Variants in PCDHA7 observed in about 807,000 individuals in gnomAD.
PCDHA7 encodes protocadherin alpha 7.
A neutral mutation model predicts 57.2 loss-of-function variants in PCDHA7; 37 were observed. The ratio of observed to expected loss-of-function variants is 0.65; its 90% CI spans 0.50 to 0.85. The LOEUF (loss-of-function observed/expected upper bound fraction) is 0.85, where lower values mean the gene tolerates loss of function less well. Ranked by LOEUF, PCDHA7 falls within the 40% of genes least tolerant of loss-of-function variation. The pLI, the probability that PCDHA7 is intolerant of heterozygous loss-of-function variation, is 0.00. For synonymous variants in PCDHA7, 553 were observed against 558.8 expected (o/e 0.99, Z 0.15); for missense variants, 1,188 against 1,241.8 (o/e 0.96, Z 0.65).
At chr5:140,957,269 T>TC (rs2095346885) in intron 1 of PCDHA7, among the ~76,000 whole-genome samples, 1 of 152,070 alleles carries the variant, frequency 6.6e-6, no homozygotes, top group African/African-American at 2.4e-5. Context: ...TAAGCACTAG[T>TC]CCCCCCTTAC....
At chr5:140,876,583 CT>C in intron 1 of PCDHA7, 1 of 1,614,194 alleles carries the variant, frequency 6.2e-7, no homozygotes, top group Non-Finnish European at 8.5e-7. Context: ...CGTCATTGCC[CT>C]GATTAGCGTG....
intron 1 of PCDHA7, chr5:140,849,602 T>G: frequency 6.3e-7 from 1 of 1,598,704 alleles, no homozygotes; most frequent in South Asian, 1.1e-5. Flanking sequence ...GGACAGTTAT[T>G]GCCCTGATTA....
intron 1 of PCDHA7, among the ~76,000 whole-genome samples, chr5:140,840,617 T>C (rs2150308160): frequency 2.0e-5 from 3 of 152,150 alleles, no homozygotes; most frequent in African/African-American, 7.2e-5. Context: ...AGGCTGAATT[T>C]AACAAGCTAT....
intron 1 of PCDHA7, among the ~76,000 whole-genome samples, chr5:140,973,282 C>T (rs1554235080): frequency 2.6e-5 from 4 of 152,148 alleles, no homozygotes; most frequent in African/African-American, 7.2e-5. Context: ...TCCCCCAGCA[C>T]TGATTTTTCT....
Position 140,836,234 on chromosome 5 carries a change from T to A in PCDHA7, c.1851T>A (p.Gly617=). The A allele has an allele frequency of 6.2e-7, 1 of 1,613,668 alleles. No individual in the cohort carries two copies. Among genetic ancestry groups the A allele is most frequent in the Non-Finnish European group, 8.5e-7 (1 of 1,179,776 alleles). Residue 617 remains glycine, a synonymous_variant, in exon 1 of 4, where the codon GGT becomes GGA. Transcript: ENST00000525929. ...ATGAGTTGCAACCGGTGGCGGCCGG[T>A]GCGAGCATCCCGTTCCGCGTGGGGC... ...LSYELQPVAA[G]ASIPFRVGLY...
chr5:140,840,878 T>A (rs1554137939), intron 1 of PCDHA7, among the ~76,000 whole-genome samples: 1 of 152,022 alleles, frequency 6.6e-6, no homozygotes, highest in African/African-American at 2.4e-5. Flanking sequence ...ACAGTTTACA[T>A]TTCTGATATC....
rs1344675374 is a variant in PCDHA7 at position 140,952,992 on chromosome 5, ACT to A, written c.2356-25951_2356-25950del. Among the ~76,000 whole-genome samples, 6 of 151,892 alleles carry A rather than the reference ACT, an allele frequency of 4.0e-5. No individual in the cohort carries two copies. In the East Asian group the frequency reaches 7.7e-4, roughly 20 times the overall value. On this transcript the variant is annotated intron_variant, in intron 1 of 3. Transcript: ENST00000525929. ...TTTTAAACAACAAGATCTCATGAGAACTCTCTCACTATTATGAGAACAACATT... is the reference window on the plus strand; with the variant it reads ...TTTTAAACAACAAGATCTCATGAGAACTCTCACTATTATGAGAACAACATT...
At chr5:140,891,428 C>G (rs2063097176) in intron 1 of PCDHA7, among the ~76,000 whole-genome samples, 1 of 149,620 alleles carries the variant, frequency 6.7e-6, no homozygotes, top group Admixed American at 6.7e-5. Flanking sequence ...CCCCAAGTCC[C>G]CAACGTCCAT....
intron 1 of PCDHA7, chr5:140,857,828 C>A (rs781917564): frequency 2.5e-6 from 4 of 1,597,660 alleles, no homozygotes; most frequent in African/African-American, 1.3e-5. Flanking sequence ...GGCTAAGGTG[C>A]GCGCAGTGGA....
intron 1 of PCDHA7, among the ~76,000 whole-genome samples, chr5:140,838,070 T>C (rs1392729176): frequency 1.6e-5 from 2 of 127,666 alleles, no homozygotes; most frequent in Admixed American, 1.8e-4. Flanking sequence ...TTAAGTTATA[T>C]ATATATAGTG....
chr5:140,941,202 C>CCTTTCTTCCTTCCTTT (rs1394736170), intron 1 of PCDHA7, among the ~76,000 whole-genome samples: 7 of 122,740 alleles, frequency 5.7e-5, no homozygotes, highest in African/African-American at 1.5e-4. Context: ...TTTCTTTCTT[C>CCTTTCTTCCTTCCTTT]CTTTCTTTCT....
intron 1 of PCDHA7, chr5:140,876,016 A>G (rs1554168175): frequency 6.2e-7 from 1 of 1,613,818 alleles, no homozygotes; most frequent in South Asian, 1.1e-5. Flanking sequence ...TGAGCTTAAA[A>G]TAAAAACAAA....
At chr5:140,891,007 G>A (rs1228475433) in intron 1 of PCDHA7, among the ~76,000 whole-genome samples, 7 of 152,030 alleles carry the variant, frequency 4.6e-5, no homozygotes, top group African/African-American at 7.3e-5. Context: ...TTATTGAAAA[G>A]CATTTTTTCT....
chr5:140,855,025 A>G (rs2043311699), intron 1 of PCDHA7, among the ~76,000 whole-genome samples: 1 of 149,914 alleles, frequency 6.7e-6, no homozygotes. Context: ...AACTTCTTGT[A>G]TAAAGGATTT....
chr5:140,865,755 A>C (rs1390578535), intron 1 of PCDHA7: 1 of 152,226 alleles, frequency 6.6e-6, no homozygotes, highest in Non-Finnish European at 1.5e-5. Flanking sequence ...GTGCCAGTAC[A>C]TGGTGGAGAT....
chr5:140,895,523 C>T (rs2065044928), intron 1 of PCDHA7, among the ~76,000 whole-genome samples: 1 of 152,068 alleles, frequency 6.6e-6, no homozygotes, highest in South Asian at 2.1e-4. Flanking sequence ...TTGGTTTATT[C>T]GTTTTTCAAT....
chr5:140,999,505 A>C (rs1221080631), intron 3 of PCDHA7, among the ~76,000 whole-genome samples: 3 of 152,134 alleles, frequency 2.0e-5, no homozygotes, highest in African/African-American at 7.2e-5. Flanking sequence ...AAGAACCTAC[A>C]TTTTAAGCAT....
chr5:140,928,571 C>T (rs369670852), intron 1 of PCDHA7: 1 of 1,614,180 alleles, frequency 6.2e-7, no homozygotes, highest in East Asian at 2.2e-5. Context: ...TTTCCCTTGC[C>T]CAGAAATGGT....
chr5:140,882,779 C>G (rs1554175579), intron 1 of PCDHA7: 2 of 1,614,168 alleles, frequency 1.2e-6, no homozygotes, highest in Non-Finnish European at 8.5e-7. Context: ...ATTGACCTAC[C>G]GACTGGATCC....
Sources: allele counts gnomAD v4.1 joint callset (sites outside exome capture counted in the v4.1 genomes callset), GRCh38; gene constraint gnomAD v4.1.1; transcripts MANE v1.5; gene names NCBI Gene and HGNC (gene_info 2026-07-23, HGNC 2026-07-21).